GPC5: variants seen among roughly 807,000 people sequenced by gnomAD.
GPC5 encodes glypican-5.
GPC5 carries 47 observed loss-of-function variants against 53.9 expected under a neutral mutation model. The ratio of observed to expected loss-of-function variants is 0.87; its 90% CI spans 0.69 to 1.11. The LOEUF (loss-of-function observed/expected upper bound fraction) is 1.11. Ranked by LOEUF, GPC5 falls within the 50% of genes most tolerant of loss-of-function variation. The pLI is 0.00. For synonymous variants in GPC5, 286 were observed against 263.3 expected, an observed-to-expected ratio of 1.09 and a Z score of -0.84; for missense variants, 748 against 713.1, an observed-to-expected ratio of 1.05 and a Z score of -0.56.
intron 6 of GPC5, among the ~76,000 whole-genome samples, chr13:92,068,504 A>G (rs2041184441): frequency 1.3e-5 from 2 of 151,660 alleles, no homozygotes; most frequent in Non-Finnish European, 1.5e-5. Context: ...TACAAAAAGT[A>G]AGAATTCTCT....
chr13:92,334,328 T>G (rs1412669924), intron 7 of GPC5, among the ~76,000 whole-genome samples: 3 of 152,032 alleles, frequency 2.0e-5, no homozygotes, highest in African/African-American at 7.2e-5. Context: ...CGCATGAGAC[T>G]TATTCATTAT....
chr13:92,630,146 GTAC>G (rs1487253861), intron 7 of GPC5, among the ~76,000 whole-genome samples: 1 of 152,130 alleles, frequency 6.6e-6, no homozygotes, highest in Non-Finnish European at 1.5e-5. Context: ...ATGACAGTCA[GTAC>G]TACTATCACA....
intron 7 of GPC5, among the ~76,000 whole-genome samples, chr13:92,676,025 A>G (rs1165357485): frequency 6.6e-6 from 1 of 152,140 alleles, no homozygotes; most frequent in Non-Finnish European, 1.5e-5. Context: ...ATTTTATTCA[A>G]TGGTTTATAT....
chr13:91,464,336 C>T (rs1882107465), intron 2 of GPC5, among the ~76,000 whole-genome samples: 2 of 152,074 alleles, frequency 1.3e-5, no homozygotes, highest in Admixed American at 1.3e-4. Context: ...AAAATTAAAC[C>T]TGCACTTATT....
At chr13:92,406,698 A>G (rs74107253) in intron 7 of GPC5, among the ~76,000 whole-genome samples, 3,810 of 152,262 alleles carry the variant, frequency 0.025, 153 homozygotes, top group African/African-American at 0.086. Context: ...TTCGCAGTCA[A>G]TTGTGTGTTT....
At chr13:92,777,833 T>G (rs2138757627) in intron 7 of GPC5, among the ~76,000 whole-genome samples, 1 of 152,314 alleles carries the variant, frequency 6.6e-6, no homozygotes, top group South Asian at 2.1e-4. Context: ...TATCACTTAC[T>G]CCACATGCCT....
chr13:91,550,537 A>T (rs1308482676), intron 2 of GPC5, among the ~76,000 whole-genome samples: 1 of 152,160 alleles, frequency 6.6e-6, no homozygotes, highest in Non-Finnish European at 1.5e-5. Context: ...ATATTGGTAC[A>T]AGAGTTAAGG....
At chr13:91,410,622 A>G (rs1368729311) in intron 1 of GPC5, among the ~76,000 whole-genome samples, 1 of 151,996 alleles carries the variant, frequency 6.6e-6, no homozygotes, top group East Asian at 1.9e-4. Flanking sequence ...CTGGGATTAC[A>G]GGCGTGAGCC....
At chr13:92,515,476 C>T (rs1215957310) in intron 7 of GPC5, among the ~76,000 whole-genome samples, 1 of 152,156 alleles carries the variant, frequency 6.6e-6, no homozygotes, top group Non-Finnish European at 1.5e-5. Flanking sequence ...AAGTTCTCGA[C>T]CCAGTTAGAT....
At chr13:92,836,700 T>A (rs1319967066) in intron 7 of GPC5, among the ~76,000 whole-genome samples, 1 of 152,140 alleles carries the variant, frequency 6.6e-6, no homozygotes, top group East Asian at 1.9e-4. Context: ...AGACTATAAT[T>A]TTTAATGATA....
chr13:92,247,834 A>G (rs571454304), intron 7 of GPC5, among the ~76,000 whole-genome samples: 1 of 152,262 alleles, frequency 6.6e-6, no homozygotes, highest in South Asian at 2.1e-4. Flanking sequence ...GTTTCTCACC[A>G]AATAATAACA....
intron 5 of GPC5, among the ~76,000 whole-genome samples, chr13:91,886,228 G>T (rs1437789679): frequency 6.6e-6 from 1 of 152,098 alleles, no homozygotes; most frequent in Non-Finnish European, 1.5e-5. Flanking sequence ...AGCATGTGCA[G>T]GGGAACTCCC....
At chr13:92,347,192 G>T (rs182931831) in intron 7 of GPC5, among the ~76,000 whole-genome samples, 33 of 152,144 alleles carry the variant, frequency 2.2e-4, no homozygotes, top group African/African-American at 7.5e-4. Flanking sequence ...GGTGTAGGAA[G>T]CACAGAAGTC....
chr13:91,603,182 A>G (rs541818068), intron 2 of GPC5, among the ~76,000 whole-genome samples: 22 of 152,366 alleles, frequency 1.4e-4, no homozygotes, highest in African/African-American at 4.1e-4. Context: ...GGGCAGAGTA[A>G]GATCCCTCTT....
intron 7 of GPC5, among the ~76,000 whole-genome samples, chr13:92,360,936 T>C (rs1390131972): frequency 6.6e-6 from 1 of 151,760 alleles, no homozygotes; most frequent in East Asian, 1.9e-4. Context: ...TGGGGCAACC[T>C]AGTCACGTAA....
rs139907488 is a variant in GPC5, at chr13:92,274,754, AGAC to A, written c.1561+129769_1561+129771del. On this transcript the variant is annotated intron_variant, in intron 7 of 7. Coordinates refer to ENST00000377067, the MANE Select transcript of GPC5 (RefSeq NM_004466.6). ...CTTCATCAAAGCGTATGGGCTGAGG[AGAC>A]GACAACAGAGTGAGTTTATTAGCCA... Among the ~76,000 whole-genome samples the A allele has an allele frequency of 4.3e-3, 648 of 152,280 alleles. 5 individuals are homozygous for A. The highest frequency in any genetic ancestry group is 0.015 in the African/African-American group (616 of 41,550).
chr13:92,364,212 C>T (rs1272946644), intron 7 of GPC5, among the ~76,000 whole-genome samples: 1 of 151,764 alleles, frequency 6.6e-6, no homozygotes, highest in African/African-American at 2.4e-5. Context: ...TTATCTTTTG[C>T]TCTCCAGTGA....
At chr13:92,295,704 T>C (rs896512299) in intron 7 of GPC5, among the ~76,000 whole-genome samples, 4 of 152,358 alleles carry the variant, frequency 2.6e-5, no homozygotes, top group African/African-American at 9.6e-5. Context: ...TTTATCATTA[T>C]ATAATGTCCC....
At chr13:92,761,623 G>A (rs1381223888) in intron 7 of GPC5, among the ~76,000 whole-genome samples, 1 of 152,030 alleles carries the variant, frequency 6.6e-6, no homozygotes, top group Non-Finnish European at 1.5e-5. Flanking sequence ...GCTAAAGTAG[G>A]TCTCTTGTAG....
Sources: gnomAD v4.1 joint callset for allele counts (sites outside exome capture counted in the v4.1 genomes callset) on GRCh38, gnomAD v4.1.1 for gene constraint, MANE v1.5 for transcripts, NCBI Gene and HGNC (gene_info 2026-07-23, HGNC 2026-07-21) for gene names.